TUBA8: variants seen among roughly 807,000 people sequenced by gnomAD.
TUBA8 encodes tubulin alpha-8 chain.
Under a neutral mutation model 34.7 loss-of-function variants are expected in TUBA8, and 29 were observed. The observed-to-expected ratio is 0.84, with a 90% CI of 0.62 to 1.14. TUBA8 has a LOEUF of 1.14. TUBA8 is among the 50% of genes most tolerant of loss of function. The pLI, the probability that TUBA8 is intolerant of heterozygous loss-of-function variation, is 0.00. For synonymous variants in TUBA8, 226 were observed against 231.2 expected (o/e 0.98, Z 0.21); for missense variants, 541 against 599.2 (o/e 0.90, Z 1.01).
rs925075924 is a variant in TUBA8 at position 18,126,077 on chromosome 22, G to T, written c.376-277G>T. ...GAGGTCTCACTATGTTGCCCATGCT[G>T]GTTGTGAACTCCTGGCCTCAATGGA... On this transcript the variant is annotated intron_variant, in intron 3 of 4. Transcript: ENST00000330423. The surrounding 1 kb of genome is among the most constrained non-coding windows in gnomAD (Gnocchi z 4.0). 5 of 487,096 alleles carry T rather than the reference G, an allele frequency of 1.0e-5. No individual in the cohort carries two copies. The highest frequency in any genetic ancestry group is 5.7e-4 in the Middle Eastern group (1 of 1,742). 30.2% of individuals were successfully genotyped at this position (487,096 alleles called of 1,614,324 possible). A position where few individuals can be genotyped will look rare whatever the true frequency, so the allele number is the denominator to read the frequency against.
chr22:18,128,617 G>T (rs1928410980), intron 4 of TUBA8: 1 of 152,192 alleles, frequency 6.6e-6, no homozygotes, highest in African/African-American at 2.4e-5. Flanking sequence ...TGCAATCTTG[G>T]CTCACTGCAA....
At chr22:18,123,138 ATTG>A (rs1232768566) in intron 2 of TUBA8, 1 of 147,058 alleles carries the variant, frequency 6.8e-6, no homozygotes, top group Admixed American at 6.8e-5. Context: ...AAAAAAAAAA[ATTG>A]TTGGTACACC....
At chr22:18,116,902 C>T (rs1048001902) in intron 1 of TUBA8, 12 of 152,264 alleles carry the variant, frequency 7.9e-5, no homozygotes, top group African/African-American at 2.7e-4. Context: ...GCACGGACCT[C>T]ACAGTGCCAT....
Position 18,126,081 on chromosome 22 carries a change from G to A in TUBA8, c.376-273G>A. On this transcript the variant is annotated intron_variant, in intron 3 of 4. Transcript: ENST00000330423. The surrounding 1 kb of genome is among the most constrained non-coding windows in gnomAD (Gnocchi z 4.0). ...TCTCACTATGTTGCCCATGCTGGTT[G>A]TGAACTCCTGGCCTCAATGGATCCT... 1 of 493,772 alleles carries A rather than the reference G, an allele frequency of 2.0e-6. No homozygotes were observed. The highest frequency in any genetic ancestry group is 2.2e-5 in the South Asian group (1 of 45,956). 30.6% of individuals were successfully genotyped at this position (493,772 alleles called of 1,614,324 possible).
Position 18,126,434 on chromosome 22 carries a change from G to A in TUBA8, c.456G>A (p.Leu152=). The A allele has an allele frequency of 1.2e-6, 2 of 1,614,048 alleles. No individual in the cohort carries two copies. The highest frequency in any genetic ancestry group is 1.7e-6 in the Non-Finnish European group (2 of 1,180,024). ...GCACTGGCTCCGGCTTCACTTCTCT[G>A]CTGATGGAACGCCTCTCCCTGGATT... ...GGGTGSGFTS[L]LMERLSLDYG... is the part of the protein sequence containing the mutation. Residue 152 remains leucine, a synonymous_variant, in exon 4 of 5, where the codon CTG becomes CTA. Coordinates refer to ENST00000330423, the MANE Select transcript of TUBA8 (RefSeq NM_018943.3). This position sits in a 1 kb window ranked among gnomAD's most constrained non-coding sequence, Gnocchi z 4.0.
intron 1 of TUBA8, chr22:18,120,103 T>C (rs1426077024): frequency 6.6e-6 from 1 of 152,270 alleles, no homozygotes; most frequent in Non-Finnish European, 1.5e-5. Context: ...ACACACACTG[T>C]CTCTCTCCCC....
In TUBA8 at chr22:18,121,661, GC is replaced by G. The variant is rs1928153045; in HGVS notation, c.190del (p.Arg64GlyfsTer4). ...FSETGNGKHV[P>X]RAVMIDLEPT... ...GCGAGACTGGCAATGGGAAGCATGT[GC>G]CCCGGGCCGTCATGATAGATCTGGA... On this transcript the variant is annotated frameshift_variant, in exon 2 of 5. Coordinates refer to ENST00000330423, the MANE Select transcript of TUBA8 (RefSeq NM_018943.3). LOFTEE classifies it high-confidence loss of function. The surrounding 1 kb of genome is among the most constrained non-coding windows in gnomAD (Gnocchi z 4.8). 6.2e-7 allele frequency: 1 copy of G among 1,614,202 alleles called. No individual in the cohort carries two copies. Among genetic ancestry groups the G allele is most frequent in the Non-Finnish European group, 8.5e-7 (1 of 1,180,042 alleles).
chr22:18,126,211 T>G lies in TUBA8; in HGVS notation c.376-143T>G. The G allele has an allele frequency of 2.5e-6, 2 of 793,404 alleles. No homozygotes were observed. The highest frequency in any genetic ancestry group is 1.6e-5 in the South Asian group (1 of 61,746). 49.1% of individuals were successfully genotyped at this position (793,404 alleles called of 1,614,324 possible). A position where few individuals can be genotyped will look rare whatever the true frequency, so the allele number is the denominator to read the frequency against. On this transcript the variant is annotated intron_variant, in intron 3 of 4. Transcript: ENST00000330423. The surrounding 1 kb of genome is among the most constrained non-coding windows in gnomAD (Gnocchi z 4.0). ...CTCCAAAGATCAATACAACTCCTTT[T>G]GTTTCCTTACTTCTTCAAAGCTGTT...
chr22:18,125,027 C>T (rs563907959), intron 3 of TUBA8: 4 of 152,302 alleles, frequency 2.6e-5, no homozygotes, highest in Admixed American at 6.5e-5. Context: ...GGGTCATTGG[C>T]CTCAAAGCTG....
rs1432294795 is a variant in TUBA8 at position 18,126,594 on chromosome 22, A to G, written c.616A>G (p.Asn206Asp). ...EHSDCAFMVD[N>D]EAIYDICRRN... ...TTCAGATTGTGCTTTCATGGTGGAC[A>G]ACGAAGCCATCTATGACATCTGCCG... The change falls in exon 4 of 5, where the codon AAC becomes GAC. Residue 206 changes from asparagine (N) to aspartate (D), a missense_variant. Coordinates refer to ENST00000330423, the MANE Select transcript of TUBA8 (RefSeq NM_018943.3). This position sits in a 1 kb window ranked among gnomAD's most constrained non-coding sequence, Gnocchi z 4.0. 1.2e-6 allele frequency: 2 copies of G among 1,614,182 alleles called. No individual in the cohort carries two copies. Among genetic ancestry groups the G allele is most frequent in the Non-Finnish European group, 1.7e-6 (2 of 1,180,032 alleles).
intron 2 of TUBA8, chr22:18,122,976 G>T (rs1369784265): frequency 6.6e-6 from 1 of 151,320 alleles, no homozygotes; most frequent in Non-Finnish European, 1.5e-5. Context: ...CAGGCGTGGT[G>T]GTGGGCGCCT....
Position 18,126,875 on chromosome 22 carries a change from C to G in TUBA8, c.897C>G (p.Asn299Lys). Residue 299 changes from asparagine to lysine, a missense_variant, in exon 4 of 5, where the codon AAC becomes AAG. Asn to Lys is a moderately conservative substitution (Grantham distance 94). Transcript: ENST00000330423. The surrounding 1 kb of genome is among the most constrained non-coding windows in gnomAD (Gnocchi z 4.0). ...AEITSSCFEP[N>K]SQMVKCDPRH... ...TAACCAGCTCCTGCTTTGAGCCCAA[C>G]AGCCAGATGGTGAAGTGCGACCCGA... The G allele has an allele frequency of 6.2e-7, 1 of 1,611,670 alleles. No individual in the cohort carries two copies. Among genetic ancestry groups the G allele is most frequent in the Non-Finnish European group, 8.5e-7 (1 of 1,178,642 alleles).
rs1928069240 is a variant in TUBA8 at position 18,119,157 on chromosome 22, A to G, written c.4-2322A>G. 6.6e-6 allele frequency: 1 copy of G among 152,272 alleles called. No individual in the cohort carries two copies. Among genetic ancestry groups the G allele is most frequent in the African/African-American group, 2.4e-5 (1 of 41,444 alleles). The allele number at this position is 152,272 out of a possible 1,614,324, so 9.4% of individuals were successfully genotyped here. ...CCTCGGGCCTCTCCAGTGTCCCCTC[A>G]GCTTCCACACCTCCCTGGGAAGTCA... On this transcript the variant is annotated intron_variant, in intron 1 of 4. Coordinates refer to ENST00000330423, the MANE Select transcript of TUBA8 (RefSeq NM_018943.3). The surrounding 1 kb of genome is among the most constrained non-coding windows in gnomAD (Gnocchi z 5.9).
chr22:18,121,409 A>T lies in TUBA8; in HGVS notation c.4-70A>T. ...CTGGCTGGCCTGCAAGGTGAATGTT[A>T]TGGGGATGTAGGGCAAAGGCATGCT... On this transcript the variant is annotated intron_variant, in intron 1 of 4. Coordinates refer to ENST00000330423, the MANE Select transcript of TUBA8 (RefSeq NM_018943.3). This position sits in a 1 kb window ranked among gnomAD's most constrained non-coding sequence, Gnocchi z 4.8. 1 of 1,393,206 alleles carries T rather than the reference A, an allele frequency of 7.2e-7. No homozygotes were observed. Among genetic ancestry groups the T allele is most frequent in the Non-Finnish European group, 1.0e-6 (1 of 979,230 alleles). The allele number at this position is 1,393,206 out of a possible 1,614,324, so 86.3% of individuals were successfully genotyped here. A position where few individuals can be genotyped will look rare whatever the true frequency, so the allele number is the denominator to read the frequency against.
intron 1 of TUBA8, chr22:18,112,671 G>A (rs1488906348): frequency 1.3e-5 from 2 of 152,166 alleles, no homozygotes; most frequent in African/African-American, 4.8e-5. Context: ...TAAGAATTTG[G>A]GTGTTTAGCT....
chr22:18,121,558 A>G lies in TUBA8; in HGVS notation c.83A>G (p.His28Arg). The G allele has an allele frequency of 6.2e-7, 1 of 1,614,204 alleles. No homozygotes were observed. The highest frequency in any genetic ancestry group is 8.5e-7 in the Non-Finnish European group (1 of 1,180,030). Residue 28 changes from histidine (H) to arginine (R), a missense_variant, in exon 2 of 5, where the codon CAC becomes CGC. By Grantham distance (29) the His-to-Arg change is conservative. Coordinates refer to ENST00000330423, the MANE Select transcript of TUBA8 (RefSeq NM_018943.3). The surrounding 1 kb of genome is among the most constrained non-coding windows in gnomAD (Gnocchi z 4.8). ...TGCTGGGAGCTCTTCTGCCTGGAAC[A>G]CGGCATCCAGGCAGACGGCACTTTT... is the stretch of plus-strand genomic sequence containing the variant. ...NACWELFCLE[H>R]GIQADGTFDA...
intron 4 of TUBA8, chr22:18,128,083 G>C (rs1435038779): frequency 6.6e-6 from 1 of 152,186 alleles, no homozygotes. Context: ...TATTCCAGTT[G>C]CCAGAGGAGT....
chr22:18,126,055 G>T lies in TUBA8; in HGVS notation c.376-299G>T. ...TTTTAAAATTTTTTGTAGATGCGAG[G>T]TCTCACTATGTTGCCCATGCTGGTT... On this transcript the variant is annotated intron_variant, in intron 3 of 4. Transcript: ENST00000330423. This position sits in a 1 kb window ranked among gnomAD's most constrained non-coding sequence, Gnocchi z 4.0. 2.3e-6 allele frequency: 1 copy of T among 425,534 alleles called. No individual in the cohort carries two copies. Among genetic ancestry groups the T allele is most frequent in the South Asian group, 2.4e-5 (1 of 41,824 alleles). The allele number at this position is 425,534 out of a possible 1,614,324, so 26.4% of individuals were successfully genotyped here.
At chr22:18,128,790 A>C (rs939692107) in intron 4 of TUBA8, 1 of 152,122 alleles carries the variant, frequency 6.6e-6, no homozygotes, top group Non-Finnish European at 1.5e-5. Context: ...CAGGTGATCC[A>C]CCTGCCTCAG....
Sources: gnomAD v4.1 joint callset for allele counts on GRCh38, gnomAD v4.1.1 for gene constraint, Gnocchi (gnomAD v3.1) non-coding constraint, MANE v1.5 for transcripts, NCBI Gene and HGNC (gene_info 2026-07-23, HGNC 2026-07-21) for gene names.